The following PPM1G variants were observed in gnomAD, a reference collection of about 807,000 sequenced individuals.
The protein encoded by PPM1G is protein phosphatase, Mg2+/Mn2+ dependent 1G, also known as protein phosphatase 1G.
In PPM1G, 12 loss-of-function variants were observed where a neutral mutation model predicts 59.4. The ratio of observed to expected loss-of-function variants is 0.20; its 90% CI spans 0.13 to 0.33. PPM1G has a LOEUF of 0.33. PPM1G is among the 10% of genes least tolerant of loss of function. The probability of loss-of-function intolerance (pLI) is 1.00; values close to 1 mark genes in which losing one functional copy is unlikely to be tolerated. For missense variants in PPM1G, 392 were observed against 681.3 expected (o/e 0.58, Z 4.73); for synonymous variants, 245 against 251.9 (o/e 0.97, Z 0.26).
At chr2:27,387,032 C>T (rs2148419395) in intron 2 of PPM1G, 57 bp downstream of exon 2, 2 of 1,395,722 alleles carry the variant, frequency 1.4e-6, no homozygotes, top group Non-Finnish European at 2.0e-6. Context: ...TGTTCTTGCC[C>T]TGGAACGTCT....
At chr2:27,391,795 G>A (rs1296576852) in intron 1 of PPM1G, among the ~76,000 whole-genome samples, 5 of 150,140 alleles carry the variant, frequency 3.3e-5, no homozygotes, top group Admixed American at 6.7e-5. Context: ...GCAGTGGCGC[G>A]ATCTCGGCTC....
intron 1 of PPM1G, among the ~76,000 whole-genome samples, chr2:27,401,682 T>A (rs530410036): frequency 9.2e-5 from 14 of 152,100 alleles, no homozygotes; most frequent in African/African-American, 3.1e-4. Context: ...AAAAATTAGC[T>A]GGGTGTGGTG....
At position 27,409,332 on chromosome 2, in the gene PPM1G, CGGA is replaced by C; in HGVS notation, c.88_90del (p.Ser30del). The stretch of plus-strand genomic sequence containing the variant: ...ATGGAGACGCGCCAGCCTTGCATGG[CGGA>C]GAAGCCGTAGGGCAGCGGCAGGCGC... On this transcript the variant is annotated inframe_deletion, in exon 1 of 10. Transcript: ENST00000344034. 6.5e-7 allele frequency: 1 copy of C among 1,545,330 alleles called. No homozygotes were observed. The highest frequency in any genetic ancestry group is 8.7e-7 in the Non-Finnish European group (1 of 1,145,432).
intron 1 of PPM1G, among the ~76,000 whole-genome samples, chr2:27,405,979 G>A (rs950096019): frequency 1.3e-5 from 2 of 151,982 alleles, no homozygotes; most frequent in African/African-American, 4.8e-5. Context: ...CTCCAGCCTG[G>A]GCAACAAGAT....
chr2:27,395,829 T>G (rs1029673309), intron 1 of PPM1G, among the ~76,000 whole-genome samples: 1 of 79,920 alleles, frequency 1.3e-5, no homozygotes, highest in African/African-American at 5.2e-5. Flanking sequence ...TGAGCAAGAA[T>G]AAGACCGTCT....
At chr2:27,387,974 A>AT (rs1683809406) in intron 1 of PPM1G, among the ~76,000 whole-genome samples, 1 of 151,582 alleles carries the variant, frequency 6.6e-6, no homozygotes, top group Admixed American at 6.6e-5. Flanking sequence ...AATTTTTTGT[A>AT]TTTTTAGTAG....
chr2:27,383,703 A>G lies in PPM1G; in HGVS notation c.967-103T>C, dbSNP rs1162803233. The G allele has an allele frequency of 1.6e-5, 20 of 1,254,424 alleles. No individual in the cohort carries two copies. Among genetic ancestry groups the G allele is most frequent in the Non-Finnish European group, 2.1e-5 (19 of 906,828 alleles). The allele number at this position is 1,254,424 out of a possible 1,614,324, so 77.7% of individuals were successfully genotyped here. ...ATGCTTGCTTTCACTGGGACCCCCAAAAGAGCTTTAACAAACAGGAGAAGC... is the reference window on the plus strand; with the variant it reads ...ATGCTTGCTTTCACTGGGACCCCCAGAAGAGCTTTAACAAACAGGAGAAGC... On this transcript the variant is annotated intron_variant, in intron 6 of 9. Transcript: ENST00000344034. The surrounding 1 kb of genome is among the most constrained non-coding windows in gnomAD (Gnocchi z 5.0).
intron 1 of PPM1G, among the ~76,000 whole-genome samples, chr2:27,395,895 T>C (rs1558320084): frequency 6.8e-6 from 1 of 146,192 alleles, no homozygotes; most frequent in African/African-American, 2.5e-5. Context: ...AAACAGATAA[T>C]AACAACTGCT....
intron 1 of PPM1G, among the ~76,000 whole-genome samples, chr2:27,406,179 T>A (rs1050152762): frequency 2.6e-5 from 4 of 152,184 alleles, no homozygotes; most frequent in Admixed American, 6.6e-5. Flanking sequence ...TTTAGTGGTA[T>A]GATAACCTTA....
In PPM1G at chr2:27,381,488, C is replaced by G; in HGVS notation, c.*111G>C. On this transcript the variant is annotated 3_prime_UTR_variant, in exon 10 of 10. Transcript: ENST00000344034. ...ATGGGCGGAGTGAAGCCACCCAGCTCCCCCTGCACACCTCATACCCACTGC... is the reference window on the plus strand; with the variant it reads ...ATGGGCGGAGTGAAGCCACCCAGCTGCCCCTGCACACCTCATACCCACTGC... The G allele has an allele frequency of 7.9e-7, 1 of 1,267,432 alleles. No individual in the cohort carries two copies. The highest frequency in any genetic ancestry group is 1.1e-6 in the Non-Finnish European group (1 of 884,098). The allele number at this position is 1,267,432 out of a possible 1,614,324, so 78.5% of individuals were successfully genotyped here.
intron 1 of PPM1G, among the ~76,000 whole-genome samples, chr2:27,392,286 G>GC (rs1289892253): frequency 2.8e-5 from 2 of 70,448 alleles, no homozygotes; most frequent in Admixed American, 3.3e-4. Context: ...GGTTTGTTTT[G>GC]TTTTTTTTTT....
At chr2:27,391,425 CTGA>C (rs1300688806) in intron 1 of PPM1G, among the ~76,000 whole-genome samples, 2 of 152,188 alleles carry the variant, frequency 1.3e-5, no homozygotes, top group Non-Finnish European at 2.9e-5. Flanking sequence ...TTGCATTTGT[CTGA>C]TGATTAGAAA....
At position 27,382,391 on chromosome 2, in the gene PPM1G, G is replaced by C; in HGVS notation, c.1331+85C>G. 6.3e-7 allele frequency: 1 copy of C among 1,589,232 alleles called. No homozygotes were observed. The highest frequency in any genetic ancestry group is 1.1e-5 in the South Asian group (1 of 88,038). On this transcript the variant is annotated intron_variant, in intron 8 of 9. Coordinates refer to ENST00000344034, the MANE Select transcript of PPM1G (RefSeq NM_177983.3). This position sits in a 1 kb window ranked among gnomAD's most constrained non-coding sequence, Gnocchi z 4.2. ...CCACCAAGAGGCCTAGGTCTGCCTA[G>C]GCTCTAATCCTAGAGGTGCCCTGAG...
rs376602966 is a variant in PPM1G, at chr2:27,383,324, G to C, written c.1201+42C>G. 1.7e-4 allele frequency: 268 copies of C among 1,580,884 alleles called. No homozygotes were observed. The highest frequency in any genetic ancestry group is 1.5e-3 in the African/African-American group (112 of 74,298). ...TTGCTACTAGGTAGTCTGGGACAGAGAGAAAGACCCTAGAAGTCTTTCCCA... is the reference window on the plus strand; with the variant it reads ...TTGCTACTAGGTAGTCTGGGACAGACAGAAAGACCCTAGAAGTCTTTCCCA... On this transcript the variant is annotated intron_variant, in intron 7 of 9. Coordinates refer to ENST00000344034, the MANE Select transcript of PPM1G (RefSeq NM_177983.3). This position sits in a 1 kb window ranked among gnomAD's most constrained non-coding sequence, Gnocchi z 5.0.
chr2:27,385,712 C>T lies in PPM1G; in HGVS notation c.409+35G>A, dbSNP rs765473596. ...ATATTAAAGAATATTTCTTAAAATG[C>T]TGATTTCCCCTCAAACAAGGGATGC... On this transcript the variant is annotated intron_variant, in intron 4 of 9. Coordinates refer to ENST00000344034, the MANE Select transcript of PPM1G (RefSeq NM_177983.3). This position sits in a 1 kb window ranked among gnomAD's most constrained non-coding sequence, Gnocchi z 4.1. 3 of 1,588,868 alleles carry T rather than the reference C, an allele frequency of 1.9e-6. No individual in the cohort carries two copies. Among genetic ancestry groups the T allele is most frequent in the Admixed American group, 1.9e-5 (1 of 53,076 alleles).
chr2:27,409,217 C>T (rs1663454916), intron 1 of PPM1G, 86 bp downstream of exon 1: 2 of 1,477,250 alleles, frequency 1.4e-6, no homozygotes, highest in East Asian at 2.9e-5. Context: ...TGGGACCCTT[C>T]CCAGGGGAGG....
intron 1 of PPM1G, among the ~76,000 whole-genome samples, chr2:27,390,846 A>G (rs1683884123): frequency 1.6e-5 from 2 of 128,896 alleles, no homozygotes; most frequent in Non-Finnish European, 3.1e-5. Context: ...CACCACCTCT[A>G]GTAGACCCAT....
chr2:27,406,133 G>A (rs1037612973), intron 1 of PPM1G, among the ~76,000 whole-genome samples: 11 of 152,128 alleles, frequency 7.2e-5, no homozygotes, highest in Non-Finnish European at 1.2e-4. Flanking sequence ...TCCTCTCTAC[G>A]GCTAAATCTA....
rs752007624 is a variant in PPM1G, at chr2:27,381,690, C to G, written c.1550G>C (p.Ser517Thr). 4 of 1,613,944 alleles carry G rather than the reference C, an allele frequency of 2.5e-6. No individual in the cohort carries two copies. The highest frequency in any genetic ancestry group is 3.4e-6 in the Non-Finnish European group (4 of 1,180,028). Residue 517 changes from serine to threonine, a missense_variant, in exon 10 of 10, where the codon AGT becomes ACT. Physicochemically the swap from Ser to Thr is moderately conservative, Grantham distance 58. Transcript: ENST00000344034. ...CACCTCCTCTAGTTTTCGCTTGCCA[C>G]TCTCTGGCTGGAGCTCTGCTGTGTT... ...PRNTAELQPE[S>T]GKRKLEEVLS... is the part of the protein sequence containing the mutation.
Sources: gnomAD v4.1 joint callset for allele counts (sites outside exome capture counted in the v4.1 genomes callset) on GRCh38, gnomAD v4.1.1 for gene constraint, Gnocchi (gnomAD v3.1) non-coding constraint, MANE v1.5 for transcripts, NCBI Gene and HGNC (gene_info 2026-07-23, HGNC 2026-07-21) for gene names.